Variants in SUCLA2 observed in about 807,000 individuals in gnomAD.
SUCLA2 encodes the protein succinate-CoA ligase ADP-forming subunit beta.
SUCLA2 carries 30 observed loss-of-function variants against 54.8 expected under a neutral mutation model. That is an observed-to-expected ratio of 0.55 (90% confidence interval 0.41 to 0.74). The LOEUF is 0.74. SUCLA2 is among the 30% of genes least tolerant of loss of function. The pLI, the probability that SUCLA2 is intolerant of heterozygous loss-of-function variation, is 0.00. For missense variants in SUCLA2, 476 were observed against 562.9 expected, an observed-to-expected ratio of 0.85 and a Z score of 1.56; for synonymous variants, 172 against 188.9, an observed-to-expected ratio of 0.91 and a Z score of 0.74.
intron 2 of SUCLA2, among the ~76,000 whole-genome samples, chr13:47,996,322 T>G (rs1410820351): frequency 2.1e-5 from 2 of 93,894 alleles, no homozygotes; most frequent in African/African-American, 7.8e-5. Context: ...AAACTCCGTC[T>G]CAAAAAAAAA....
Position 47,973,367 on chromosome 13 carries a change from T to C in SUCLA2, c.560A>G (p.His187Arg). ...FQGPVLIGSS[H>R]GGVNIEDVAA... ...AACATCTTCAATGTTGACACCACCA[T>C]GTGAACTTCCTATTAATACAGGACC... The change falls in exon 5 of 11, where the codon CAT becomes CGT. Residue 187 changes from histidine to arginine, a missense_variant. This residue lies in a region of SUCLA2 where 342 missense variants were observed against 444.2 expected (regional missense o/e 0.77). Transcript: ENST00000646932. The C allele has an allele frequency of 3.1e-6, 5 of 1,613,690 alleles. No homozygotes were observed. The South Asian group carries it at 3.3e-5, about 11-fold the overall frequency.
intron 6 of SUCLA2, chr13:47,965,710 A>G (rs1383191252): frequency 7.5e-6 from 3 of 397,940 alleles, no homozygotes; most frequent in Non-Finnish European, 8.9e-6. Flanking sequence ...TATGAATTAG[A>G]TAATATTTTC....
intron 8 of SUCLA2, among the ~76,000 whole-genome samples, chr13:47,950,023 G>A (rs367679517): frequency 3.9e-5 from 6 of 152,314 alleles, no homozygotes; most frequent in African/African-American, 1.4e-4. Flanking sequence ...GTGTTGTGTG[G>A]CAAGAGTAAC....
chr13:47,963,773 A>C (rs1409676075), intron 6 of SUCLA2, among the ~76,000 whole-genome samples: 1 of 152,250 alleles, frequency 6.6e-6, no homozygotes, highest in Non-Finnish European at 1.5e-5. Context: ...CCTGGAAGCA[A>C]TGACACAAGA....
chr13:47,977,268 G>A (rs1950022491), intron 4 of SUCLA2, among the ~76,000 whole-genome samples: 1 of 152,066 alleles, frequency 6.6e-6, no homozygotes, highest in African/African-American at 2.4e-5. Flanking sequence ...TCTATAACTA[G>A]TAATGATACT....
At chr13:47,981,738 C>T (rs1823913518) in intron 4 of SUCLA2, among the ~76,000 whole-genome samples, 2 of 152,322 alleles carry the variant, frequency 1.3e-5, no homozygotes, top group South Asian at 2.1e-4. Flanking sequence ...ATCACTTGAA[C>T]CCAGGAGGCG....
rs147091118 is a variant in SUCLA2, at chr13:47,968,888, TAAAC to T, written c.664-159_664-156del. ...ATAGCAGCTACCATTACTAAATGGTTAAACAAAACTTTTTATTCAAAATCTTCAA... is the reference window on the plus strand; with the variant it reads ...ATAGCAGCTACCATTACTAAATGGTTAAAACTTTTTATTCAAAATCTTCAA... On this transcript the variant is annotated intron_variant, in intron 5 of 10. Transcript: ENST00000646932. Among the ~76,000 whole-genome samples the T allele has an allele frequency of 2.7e-3, 413 of 152,332 alleles. 7 individuals are homozygous for T. The East Asian group carries it at 0.028, about 10-fold the overall frequency.
chr13:47,961,129 T>C (rs1949867466), intron 6 of SUCLA2, among the ~76,000 whole-genome samples: 1 of 152,194 alleles, frequency 6.6e-6, no homozygotes, highest in African/African-American at 2.4e-5. Context: ...GTCAAACTGA[T>C]TAAAATTAGA....
chr13:47,993,879 T>C (rs7319779), intron 2 of SUCLA2, among the ~76,000 whole-genome samples: 17,235 of 151,606 alleles, frequency 0.11, 1,436 homozygotes, highest in African/African-American at 0.23. Flanking sequence ...CTACTAAAAA[T>C]ACAAAATTAG....
chr13:47,981,007 G>C (rs1039979858), intron 4 of SUCLA2, among the ~76,000 whole-genome samples: 3 of 152,102 alleles, frequency 2.0e-5, no homozygotes, highest in Admixed American at 2.0e-4. Flanking sequence ...GAAGAAAACA[G>C]GGAGAAAAAA....
chr13:47,997,372 TTCTC>T (rs111437701), intron 1 of SUCLA2, among the ~76,000 whole-genome samples: 1 of 152,142 alleles, frequency 6.6e-6, no homozygotes, highest in Admixed American at 6.6e-5. Flanking sequence ...CCCAATTTTC[TTCTC>T]TCTACCATTC....
chr13:47,969,193 G>C (rs1949941784), intron 5 of SUCLA2, among the ~76,000 whole-genome samples: 1 of 152,168 alleles, frequency 6.6e-6, no homozygotes, highest in Non-Finnish European at 1.5e-5. Flanking sequence ...CCACCACAGT[G>C]AAACCCCATC....
intron 10 of SUCLA2, among the ~76,000 whole-genome samples, chr13:47,943,765 T>C (rs1168988232): frequency 2.5e-5 from 3 of 120,164 alleles, no homozygotes; most frequent in African/African-American, 3.5e-5. Context: ...TGTGTGTGTG[T>C]GTATATATAT....
chr13:47,961,461 T>A (rs1355687264), intron 6 of SUCLA2, among the ~76,000 whole-genome samples: 1 of 152,332 alleles, frequency 6.6e-6, no homozygotes, highest in African/African-American at 2.4e-5. Context: ...AAAACTTTGA[T>A]ATTTGGCAAA....
chr13:47,945,505 T>C (rs1279196704), intron 10 of SUCLA2, among the ~76,000 whole-genome samples: 4 of 150,318 alleles, frequency 2.7e-5, no homozygotes, highest in Admixed American at 1.3e-4. Context: ...TTCAATGAAA[T>C]GTCTATAAAC....
chr13:47,957,747 G>A (rs912318462), intron 6 of SUCLA2, among the ~76,000 whole-genome samples: 9 of 152,136 alleles, frequency 5.9e-5, no homozygotes, highest in African/African-American at 2.2e-4. Flanking sequence ...TGCGTGTTGT[G>A]TCCGGGCAAG....
In SUCLA2 at chr13:48,001,246, G is replaced by A. The variant is rs1168041363; in HGVS notation, c.24C>T (p.Gly8=). The stretch of plus-strand genomic sequence containing the variant: ...GAAGGGTGGCCACGGCCACTAGCCT[G>A]CCGTAGAACATGGAGGCCGCCATTT... MAASMFY[G]RLVAVATLRN... Residue 8 remains glycine, a synonymous_variant, in exon 1 of 11, where the codon GGC becomes GGT. Coordinates refer to ENST00000646932, the MANE Select transcript of SUCLA2 (RefSeq NM_003850.3). 2 of 1,605,794 alleles carry A rather than the reference G, an allele frequency of 1.2e-6. No homozygotes were observed. Among genetic ancestry groups the A allele is most frequent in the South Asian group, 1.1e-5 (1 of 89,674 alleles).
intron 10 of SUCLA2, 110 bp downstream of exon 10, chr13:47,948,830 T>C: frequency 9.6e-7 from 1 of 1,043,492 alleles, no homozygotes; most frequent in Non-Finnish European, 1.5e-6. Flanking sequence ...TAACCATTCA[T>C]TACACTCATA....
chr13:47,949,966 G>T (rs577533968), intron 8 of SUCLA2, among the ~76,000 whole-genome samples: 1 of 152,296 alleles, frequency 6.6e-6, no homozygotes, highest in East Asian at 1.9e-4. Flanking sequence ...CTCCAATTTA[G>T]TGTTTGTCAC....
Sources: gnomAD v4.1 joint callset for allele counts (sites outside exome capture counted in the v4.1 genomes callset) on GRCh38, gnomAD v4.1.1 for gene constraint, gnomAD v4.1.1 regional missense constraint, MANE v1.5 for transcripts, NCBI Gene and HGNC (gene_info 2026-07-23, HGNC 2026-07-21) for gene names.